The following ZDHHC24 variants were observed in gnomAD, a reference collection of about 807,000 sequenced individuals.
ZDHHC24 encodes probable palmitoyltransferase ZDHHC24.
ZDHHC24 carries 17 observed loss-of-function variants against 23.2 expected under a neutral mutation model. The ratio of observed to expected loss-of-function variants is 0.73; its 90% CI spans 0.50 to 1.10. The LOEUF (loss-of-function observed/expected upper bound fraction) is 1.10, where lower values mean the gene tolerates loss of function less well. Among genes scored for constraint, ZDHHC24 ranks in the 50% least tolerant of loss-of-function variants. ZDHHC24 has a pLI of 0.00. For missense variants in ZDHHC24, 366 were observed against 393.0 expected (o/e 0.93, Z 0.58); for synonymous variants, 186 against 194.5 (o/e 0.96, Z 0.36).
downstream of ZDHHC24, among the ~76,000 whole-genome samples, chr11:66,534,769 CGCT>C (rs1399790172): frequency 1.1e-4 from 17 of 152,266 alleles, no homozygotes; most frequent in East Asian, 3.3e-3. Flanking sequence ...GGTCTCGGCT[CGCT>C]GCAAGCATCA....
At position 66,539,449 on chromosome 11, in the gene ZDHHC24, C is replaced by G. The variant is rs1182191776; in HGVS notation, c.*80G>C. ...GTCCAATGCAGATGTTAAGGTCCAA[C>G]CCGACTTCCTTACTGAGTCTAGGTG... On this transcript the variant is annotated 3_prime_UTR_variant, in exon 3 of 3. Transcript: ENST00000310442. 2.2e-5 allele frequency: 31 copies of G among 1,439,540 alleles called. No homozygotes were observed. Among genetic ancestry groups the G allele is most frequent in the Non-Finnish European group, 2.7e-5 (30 of 1,097,920 alleles). The allele number at this position is 1,439,540 out of a possible 1,614,324, so 89.2% of individuals were successfully genotyped here.
chr11:66,529,969 G>A (rs771185472), intron 2 of ZDHHC24: 1 of 1,594,876 alleles, frequency 6.3e-7, no homozygotes, highest in Non-Finnish European at 8.5e-7. Flanking sequence ...ATCTGGGTGA[G>A]GGCAGAGTCA....
Position 66,536,644 on chromosome 11 carries a change from G to C in ZDHHC24, c.*2885C>G, listed in dbSNP as rs955032266. 1 of 153,066 alleles carries C rather than the reference G, an allele frequency of 6.5e-6. No homozygotes were observed. Among genetic ancestry groups the C allele is most frequent in the African/African-American group, 2.4e-5 (1 of 41,396 alleles). 9.5% of individuals were successfully genotyped at this position (153,066 alleles called of 1,614,324 possible). Reference sequence around the variant, plus strand: ...CCCGGCACTTTGGGAGGCCGAGGCAGGTGGATCACCTGAGGTCAGGAGTTC... The same window carrying C: ...CCCGGCACTTTGGGAGGCCGAGGCACGTGGATCACCTGAGGTCAGGAGTTC... On this transcript the variant is annotated 3_prime_UTR_variant, in exon 3 of 3. Coordinates refer to ENST00000310442, the MANE Select transcript of ZDHHC24 (RefSeq NM_207340.3).
At chr11:66,530,057 A>G in intron 2 of ZDHHC24, 1 of 1,487,362 alleles carries the variant, frequency 6.7e-7, no homozygotes, top group Non-Finnish European at 9.1e-7. Context: ...TTCCAAGCCA[A>G]CTCAGCCCGT....
At chr11:66,529,779 C>G in intron 2 of ZDHHC24, 4 of 1,607,484 alleles carry the variant, frequency 2.5e-6, no homozygotes, top group Non-Finnish European at 2.5e-6. Context: ...CCCTGCCACC[C>G]CCCACCTCCA....
Position 66,545,914 on chromosome 11 carries a change from GC to G in ZDHHC24, c.89del (p.Gly30AlafsTer53), listed in dbSNP as rs1405629403. 2.0e-6 allele frequency: 3 copies of G among 1,524,006 alleles called. No homozygotes were observed. The highest frequency in any genetic ancestry group is 2.6e-6 in the Non-Finnish European group (3 of 1,144,264). The allele number at this position is 1,524,006 out of a possible 1,614,324, so 94.4% of individuals were successfully genotyped here. A position where few individuals can be genotyped will look rare whatever the true frequency, so the allele number is the denominator to read the frequency against. On this transcript the variant is annotated frameshift_variant, in exon 1 of 3. Coordinates refer to ENST00000310442, the MANE Select transcript of ZDHHC24 (RefSeq NM_207340.3). LOFTEE classifies it high-confidence loss of function. The surrounding 1 kb of genome is among the most constrained non-coding windows in gnomAD (Gnocchi z 4.5). ...VLTALWAAAVGLELAYVLVLG... is the reference protein window; with the variant it reads ...VLTALWAAAVXLELAYVLVLG... ...GCACCAGCACGTAAGCCAGCTCCAG[GC>G]CCACGGCCGCGGCCCACAGCGCGGT...
rs980258984 is a variant in ZDHHC24 at position 66,535,731 on chromosome 11, A to C, written c.*3798T>G. 6.6e-6 allele frequency among the ~76,000 whole-genome samples: 1 copy of C among 152,190 alleles called. No individual in the cohort carries two copies. The highest frequency in any genetic ancestry group is 1.9e-4 in the East Asian group (1 of 5,200). ...TTACACAGGTGCTGATTTTATCCAG[A>C]CTGATCTATAGATTCAGCTGGGTTC... On this transcript the variant is annotated 3_prime_UTR_variant, in exon 3 of 3. Transcript: ENST00000310442.
chr11:66,532,127 G>A (rs1471015996), downstream of ZDHHC24: 14 of 1,359,174 alleles, frequency 1.0e-5, no homozygotes, highest in African/African-American at 2.9e-5. Context: ...ATGCAGCAGT[G>A]TGCTGGGGCG....
chr11:66,541,738 C>T (rs986238959), intron 2 of ZDHHC24, among the ~76,000 whole-genome samples: 2 of 152,078 alleles, frequency 1.3e-5, no homozygotes, highest in Non-Finnish European at 2.9e-5. Context: ...GAACGCTTCA[C>T]GGGGGCTGGG....
rs1565300332 is a variant in ZDHHC24, at chr11:66,545,993, G to T, written c.11C>A (p.Pro4His). MGQPWAAGSTDGAP... is the reference protein window; with the variant it reads MGQHWAAGSTDGAP... ...CCCGTCCGTGCTCCCAGCCGCCCAG[G>T]GCTGCCCCATGGCCTGGACACCCAG... Residue 4 changes from proline to histidine, a missense_variant, in exon 1 of 3, where the codon CCC (proline) becomes CAC (histidine). Physicochemically the swap from Pro to His is moderately conservative, Grantham distance 77. Transcript: ENST00000310442. This position sits in a 1 kb window ranked among gnomAD's most constrained non-coding sequence, Gnocchi z 4.5. The T allele has an allele frequency of 7.1e-7, 1 of 1,406,620 alleles. No homozygotes were observed. Among genetic ancestry groups the T allele is most frequent in the Non-Finnish European group, 9.1e-7 (1 of 1,093,504 alleles). 87.1% of individuals were successfully genotyped at this position (1,406,620 alleles called of 1,614,324 possible).
chr11:66,535,273 G>A (rs1040815341), downstream of ZDHHC24, among the ~76,000 whole-genome samples: 1 of 152,004 alleles, frequency 6.6e-6, no homozygotes, highest in Non-Finnish European at 1.5e-5. Flanking sequence ...GCAGAAGCAC[G>A]GTCACAGCTC....
intron 2 of ZDHHC24, chr11:66,542,667 G>C (rs1245749685): frequency 6.5e-6 from 1 of 153,110 alleles, no homozygotes. Flanking sequence ...AAGCCATCCA[G>C]GCATTGAGGG....
chr11:66,525,987 A>ATTTC, intron 4 of ZDHHC24: 6 of 745,276 alleles, frequency 8.1e-6, no homozygotes, highest in Non-Finnish European at 9.6e-6. Context: ...TATAGGAAAT[A>ATTTC]TTTCAGAGGC....
chr11:66,529,866 G>A (rs1327889387), intron 2 of ZDHHC24: 1 of 1,610,282 alleles, frequency 6.2e-7, no homozygotes. Flanking sequence ...GCGCCTACGT[G>A]CTGCCCGCGC....
chr11:66,523,462 C>T lies in ZDHHC24; in HGVS notation c.*22-1996G>A, dbSNP rs2134794684. The T allele has an allele frequency of 1.2e-6, 2 of 1,614,114 alleles. No homozygotes were observed. The highest frequency in any genetic ancestry group is 8.5e-7 in the Non-Finnish European group (1 of 1,180,006). ...TGTGTTGTTTATTCCACAGAGACTC[C>T]AAGCACCCCAAGTACTGCATCGAGC... On this transcript the variant is annotated intron_variant, in intron 4 of 4. Coordinates refer to the ZDHHC24 transcript ENST00000526986.
At chr11:66,522,130 T>C (rs1471494053) in intron 4 of ZDHHC24, among the ~76,000 whole-genome samples, 2 of 149,678 alleles carry the variant, frequency 1.3e-5, no homozygotes, top group East Asian at 4.1e-4. Flanking sequence ...GGCAGGAGAA[T>C]GGCGTGAACC....
chr11:66,524,551 C>T (rs1182384096), intron 4 of ZDHHC24, among the ~76,000 whole-genome samples: 1 of 152,062 alleles, frequency 6.6e-6, no homozygotes, highest in African/African-American at 2.4e-5. Flanking sequence ...TTCAACTGGG[C>T]CTCAGAACAG....
chr11:66,540,885 CAT>C (rs34173591), intron 2 of ZDHHC24, among the ~76,000 whole-genome samples: 3,003 of 152,224 alleles, frequency 0.02, 88 homozygotes, highest in African/African-American at 0.068. Flanking sequence ...CCAAAGGTCA[CAT>C]GTTTATCATC....
intron 2 of ZDHHC24, chr11:66,542,957 T>A (rs1369889599): frequency 6.6e-6 from 1 of 152,326 alleles, no homozygotes; most frequent in East Asian, 1.9e-4. Flanking sequence ...GAGCTGGGCT[T>A]GGATAGGATG....
Sources: allele counts gnomAD v4.1 joint callset (sites outside exome capture counted in the v4.1 genomes callset), GRCh38; gene constraint gnomAD v4.1.1; non-coding constraint Gnocchi (gnomAD v3.1); transcripts MANE v1.5; gene names NCBI Gene and HGNC (gene_info 2026-07-23, HGNC 2026-07-21).